Variants in MYT1L observed in about 807,000 individuals in gnomAD.
The protein encoded by MYT1L is myelin transcription factor 1-like protein.
In MYT1L, 12 loss-of-function variants were observed where a neutral mutation model predicts 126.7. The ratio of observed to expected loss-of-function variants is 0.09; its 90% CI spans 0.06 to 0.15. The LOEUF is 0.15. Ranked by LOEUF, MYT1L falls within the 10% of genes least tolerant of loss-of-function variation. The pLI, the probability that MYT1L is intolerant of heterozygous loss-of-function variation, is 1.00. For missense variants in MYT1L, 979 were observed against 1,585.2 expected, an observed-to-expected ratio of 0.62 and a Z score of 6.49; for synonymous variants, 541 against 604.2, an observed-to-expected ratio of 0.90 and a Z score of 1.53.
intron 2 of MYT1L, among the ~76,000 whole-genome samples, chr2:2,238,333 C>T (rs2094367846): frequency 6.6e-6 from 1 of 152,042 alleles, no homozygotes. Flanking sequence ...AGATTTGGGA[C>T]TAGATCAATA....
chr2:2,110,541 C>A (rs1264315673), intron 3 of MYT1L, among the ~76,000 whole-genome samples: 1 of 151,690 alleles, frequency 6.6e-6, no homozygotes, highest in African/African-American at 2.4e-5. Flanking sequence ...TCCCTGCCTC[C>A]CTCTGTCCCT....
At position 2,069,183 on chromosome 2, in the gene MYT1L, A is replaced by G. The variant is rs532700371; in HGVS notation, c.-303-15060T>C. Among the ~76,000 whole-genome samples the G allele has an allele frequency of 2.2e-3, 329 of 152,110 alleles. 1 individual carries two copies. Among genetic ancestry groups the G allele is most frequent in the South Asian group, 7.3e-3 (35 of 4,790 alleles). On this transcript the variant is annotated intron_variant, in intron 3 of 24. Coordinates refer to ENST00000647738, the MANE Select transcript of MYT1L (RefSeq NM_001303052.2). ...GGTTTGCTACACCCGTCAACTCGTC[A>G]TTGACATTAGGTATTTCTCCTAATG...
chr2:2,192,233 T>C (rs1412974438), intron 2 of MYT1L, among the ~76,000 whole-genome samples: 1 of 152,262 alleles, frequency 6.6e-6, no homozygotes, highest in East Asian at 1.9e-4. Flanking sequence ...GCGGTGCTGA[T>C]GCACTCGGAG....
At chr2:1,860,566 C>G (rs573443722) in intron 18 of MYT1L, among the ~76,000 whole-genome samples, 1 of 152,176 alleles carries the variant, frequency 6.6e-6, no homozygotes, top group Admixed American at 6.5e-5. Flanking sequence ...GCAGCTAATG[C>G]CATTTACATG....
chr2:1,898,609 G>A (rs894277606), intron 14 of MYT1L, among the ~76,000 whole-genome samples: 18 of 152,210 alleles, frequency 1.2e-4, no homozygotes, highest in Admixed American at 4.6e-4. Flanking sequence ...CTTGCGGCCC[G>A]TGGGAAGACA....
chr2:2,130,153 A>G (rs1024356885), intron 3 of MYT1L, among the ~76,000 whole-genome samples: 4 of 152,072 alleles, frequency 2.6e-5, no homozygotes, highest in African/African-American at 9.7e-5. Flanking sequence ...AAAGAGAAAG[A>G]CAACTCAGTA....
At chr2:1,834,787 G>A (rs899462675) in intron 21 of MYT1L, among the ~76,000 whole-genome samples, 2 of 151,332 alleles carry the variant, frequency 1.3e-5, no homozygotes, top group African/African-American at 4.9e-5. Flanking sequence ...CACATACCAC[G>A]GGGATGGATA....
chr2:1,854,920 GC>G (rs2043718009), intron 18 of MYT1L, among the ~76,000 whole-genome samples: 1 of 152,186 alleles, frequency 6.6e-6, no homozygotes, highest in Admixed American at 6.5e-5. Context: ...GCAGAGACAT[GC>G]TGGAAACACT....
chr2:2,182,682 C>T (rs1365909239), intron 2 of MYT1L, among the ~76,000 whole-genome samples: 1 of 152,138 alleles, frequency 6.6e-6, no homozygotes, highest in Non-Finnish European at 1.5e-5. Context: ...GGCATGCTCT[C>T]TTTTTCATTT....
chr2:2,085,358 T>C, intron 3 of MYT1L, among the ~76,000 whole-genome samples: 1 of 152,138 alleles, frequency 6.6e-6, no homozygotes, highest in East Asian at 1.9e-4. Context: ...TTCCATCTTG[T>C]GTGTGTTCAC....
intron 3 of MYT1L, among the ~76,000 whole-genome samples, chr2:2,127,449 A>G (rs1236873916): frequency 6.6e-6 from 1 of 152,168 alleles, no homozygotes; most frequent in Non-Finnish European, 1.5e-5. Context: ...AAGGTGACCT[A>G]ATGTTAATTT....
chr2:1,885,745 C>T (rs1009727608), intron 18 of MYT1L, among the ~76,000 whole-genome samples: 2 of 152,200 alleles, frequency 1.3e-5, no homozygotes, highest in South Asian at 2.1e-4. Flanking sequence ...GCTCTCATCT[C>T]GCTGTGAGCA....
intron 4 of MYT1L, among the ~76,000 whole-genome samples, chr2:2,051,910 T>C (rs2150087559): frequency 6.6e-6 from 1 of 151,690 alleles, no homozygotes; most frequent in South Asian, 2.1e-4. Flanking sequence ...GCAATCCCTC[T>C]CAAAATCTTA....
At chr2:2,291,072 ATG>A (rs1559567973) in intron 1 of MYT1L, among the ~76,000 whole-genome samples, 98 of 151,666 alleles carry the variant, frequency 6.5e-4, no homozygotes, top group Non-Finnish European at 1.2e-3. Flanking sequence ...AAAAAAAAAA[ATG>A]AAAGTCAGTA....
chr2:2,242,467 C>G (rs1380110695), intron 2 of MYT1L, among the ~76,000 whole-genome samples: 8 of 152,170 alleles, frequency 5.3e-5, no homozygotes, highest in Non-Finnish European at 1.2e-4. Flanking sequence ...GTCTTTTCTC[C>G]TTCATCTTTT....
intron 23 of MYT1L, among the ~76,000 whole-genome samples, chr2:1,799,457 T>C (rs761859349): frequency 2.3e-4 from 35 of 152,160 alleles, no homozygotes; most frequent in Non-Finnish European, 4.1e-4. Context: ...CATCCACAGC[T>C]GGCATCAGAG....
At chr2:1,970,021 C>G (rs988497717) in intron 8 of MYT1L, among the ~76,000 whole-genome samples, 2 of 152,184 alleles carry the variant, frequency 1.3e-5, no homozygotes, top group African/African-American at 4.8e-5. Context: ...ACGTTATGAC[C>G]AGGGGATTGT....
At chr2:2,179,837 T>A (rs1559245521) in intron 2 of MYT1L, among the ~76,000 whole-genome samples, 1 of 152,232 alleles carries the variant, frequency 6.6e-6, no homozygotes, top group Non-Finnish European at 1.5e-5. Context: ...CTATACTTCC[T>A]CACTTTGGTT....
intron 3 of MYT1L, among the ~76,000 whole-genome samples, chr2:2,122,739 C>A (rs1021669375): frequency 1.3e-5 from 2 of 152,080 alleles, no homozygotes; most frequent in South Asian, 4.2e-4. Flanking sequence ...GTTGGCCATA[C>A]AACTTACTGT....
Sources: gnomAD v4.1 joint callset for allele counts (sites outside exome capture counted in the v4.1 genomes callset) on GRCh38, gnomAD v4.1.1 for gene constraint, MANE v1.5 for transcripts, NCBI Gene and HGNC (gene_info 2026-07-23, HGNC 2026-07-21) for gene names.